Variants in SEMA3C observed in about 807,000 individuals in gnomAD.
The protein encoded by SEMA3C is semaphorin 3C, also known as semaphorin-3C.
SEMA3C carries 47 observed loss-of-function variants against 89.4 expected under a neutral mutation model. The ratio of observed to expected loss-of-function variants is 0.53; its 90% CI spans 0.42 to 0.67. SEMA3C has a LOEUF of 0.67. SEMA3C is among the 30% of genes least tolerant of loss of function. SEMA3C has a pLI of 0.00. For synonymous variants in SEMA3C, 310 were observed against 320.2 expected (o/e 0.97, Z 0.34); for missense variants, 839 against 929.1 (o/e 0.90, Z 1.26).
chr7:80,818,390 A>G lies in SEMA3C; in HGVS notation c.356T>C (p.Ile119Thr). 6.2e-7 allele frequency: 1 copy of G among 1,613,420 alleles called. No individual in the cohort carries two copies. The highest frequency in any genetic ancestry group is 2.2e-5 in the East Asian group (1 of 44,850). Residue 119 changes from isoleucine to threonine, a missense_variant, in exon 5 of 18, where the codon ATT (isoleucine) becomes ACT (threonine). Physicochemically the swap from Ile to Thr is moderately conservative, Grantham distance 89 (BLOSUM62 -1). Coordinates refer to ENST00000265361, the MANE Select transcript of SEMA3C (RefSeq NM_006379.5). ...THGCGNFVRV[I>T]QTFNRTHLYV... ...CAAATGTGTGCGATTGAAAGTCTGA[A>G]TTACACGGACAAAGTTCCCACAGCC...
intron 5 of SEMA3C, among the ~76,000 whole-genome samples, chr7:80,811,430 T>C (rs72612623): frequency 0.044 from 6,676 of 152,178 alleles, 371 homozygotes; most frequent in East Asian, 0.26. Context: ...GAGAGAAGAC[T>C]ATAGATTGGG....
chr7:80,846,640 T>C (rs1790397754), intron 2 of SEMA3C, among the ~76,000 whole-genome samples: 1 of 152,148 alleles, frequency 6.6e-6, no homozygotes, highest in Non-Finnish European at 1.5e-5. Flanking sequence ...CCCTTTTCCA[T>C]GTTTTTAAGG....
At chr7:80,885,125 G>T (rs1791442757) in intron 2 of SEMA3C, among the ~76,000 whole-genome samples, 1 of 152,114 alleles carries the variant, frequency 6.6e-6, no homozygotes, top group African/African-American at 2.4e-5. Context: ...AATTAAACGT[G>T]TTAACTGGTT....
chr7:80,838,777 C>A (rs1249988916), intron 2 of SEMA3C, among the ~76,000 whole-genome samples: 2 of 152,104 alleles, frequency 1.3e-5, no homozygotes, highest in African/African-American at 2.4e-5. Context: ...ACACTTAAAA[C>A]CATCAGCTTT....
intron 2 of SEMA3C, among the ~76,000 whole-genome samples, chr7:80,902,427 A>T (rs1791903901): frequency 6.6e-6 from 1 of 152,186 alleles, no homozygotes. Context: ...AAATTTTTTC[A>T]ATTGTAAATA....
chr7:80,791,264 C>T (rs1489986000), intron 11 of SEMA3C, among the ~76,000 whole-genome samples: 3 of 152,098 alleles, frequency 2.0e-5, no homozygotes, highest in African/African-American at 4.8e-5. Context: ...AACTCAAACT[C>T]ACTCACTAAT....
At position 80,789,495 on chromosome 7, in the gene SEMA3C, T is replaced by A. The variant is rs1788885285; in HGVS notation, c.1165A>T (p.Thr389Ser). 2 of 1,613,320 alleles carry A rather than the reference T, an allele frequency of 1.2e-6. No individual in the cohort carries two copies. Among genetic ancestry groups the A allele is most frequent in the African/African-American group, 2.7e-5 (2 of 74,856 alleles). The change falls in exon 12 of 18, where the codon ACC (threonine) becomes TCC (serine). Residue 389 changes from threonine to serine, a missense_variant. By Grantham distance (58) the Thr-to-Ser change is moderately conservative. Transcript: ENST00000265361. Reference protein sequence around the residue: ...PGGAFTPNMRTTKEFPDDVVT... With the variant: ...PGGAFTPNMRSTKEFPDDVVT... ...ACATCATCTGGGAACTCCTTGGTGG[T>A]TCGCATATTGGGTGTAAATGCTCCT...
intron 5 of SEMA3C, among the ~76,000 whole-genome samples, chr7:80,814,234 A>C (rs1295167176): frequency 1.3e-5 from 2 of 151,788 alleles, no homozygotes; most frequent in African/African-American, 4.8e-5. Context: ...GACTACAGGT[A>C]CCTGCCACCA....
chr7:80,812,719 C>T (rs1789497388), intron 5 of SEMA3C, among the ~76,000 whole-genome samples: 1 of 152,070 alleles, frequency 6.6e-6, no homozygotes, highest in Non-Finnish European at 1.5e-5. Context: ...GAGAAATCTT[C>T]TCTGTTTCTC....
At chr7:80,782,186 G>A (rs1788706067) in intron 12 of SEMA3C, among the ~76,000 whole-genome samples, 4 of 152,068 alleles carry the variant, frequency 2.6e-5, no homozygotes, top group African/African-American at 9.7e-5. Flanking sequence ...TTTCTTCCTA[G>A]GCATAATGTA....
At chr7:80,847,250 T>C (rs1790411082) in intron 2 of SEMA3C, 1 of 152,178 alleles carries the variant, frequency 6.6e-6, no homozygotes, top group African/African-American at 2.4e-5. Context: ...TTTGGGTATT[T>C]GTCACTCACC....
chr7:80,780,591 CA>C (rs1314198366), intron 12 of SEMA3C, among the ~76,000 whole-genome samples: 2 of 152,138 alleles, frequency 1.3e-5, no homozygotes, highest in Non-Finnish European at 2.9e-5. Flanking sequence ...GTCTTAAAAA[CA>C]CACATTAAAG....
chr7:80,761,531 A>T, intron 14 of SEMA3C, 85 bp downstream of exon 14: 2 of 729,164 alleles, frequency 2.7e-6, no homozygotes, highest in Non-Finnish European at 4.4e-6. Flanking sequence ...TACGATAACT[A>T]ATTATTCAGA....
chr7:80,746,486 G>T (rs1269852332), intron 17 of SEMA3C, among the ~76,000 whole-genome samples: 2 of 152,072 alleles, frequency 1.3e-5, no homozygotes, highest in African/African-American at 4.8e-5. Context: ...AATATTTTGA[G>T]TCCAATATGG....
At chr7:80,842,853 T>C (rs2115888100) in intron 2 of SEMA3C, among the ~76,000 whole-genome samples, 1 of 152,310 alleles carries the variant, frequency 6.6e-6, no homozygotes, top group South Asian at 2.1e-4. Flanking sequence ...TCTGTCTTTC[T>C]GTTTCTTTTC....
intron 2 of SEMA3C, among the ~76,000 whole-genome samples, chr7:80,846,062 T>C (rs192623604): frequency 9.8e-4 from 150 of 152,304 alleles, no homozygotes; most frequent in African/African-American, 3.5e-3. Flanking sequence ...ATTCAGGGTG[T>C]CACTGATATT....
chr7:80,799,933 C>T (rs1045789466), intron 10 of SEMA3C, among the ~76,000 whole-genome samples: 6 of 151,054 alleles, frequency 4.0e-5, no homozygotes, highest in African/African-American at 1.5e-4. Context: ...TGGCGGATCA[C>T]GAGGTCAGGA....
intron 12 of SEMA3C, among the ~76,000 whole-genome samples, chr7:80,771,603 G>A (rs1020023176): frequency 6.6e-6 from 1 of 152,084 alleles, no homozygotes; most frequent in African/African-American, 2.4e-5. Context: ...TGCCTCATGC[G>A]AGTGATCAAA....
intron 10 of SEMA3C, 140 bp from the exon 11 acceptor site, chr7:80,798,376 G>A (rs1456074895): frequency 2.8e-6 from 2 of 716,684 alleles, no homozygotes; most frequent in African/African-American, 1.9e-5. Flanking sequence ...CATGTGAAAA[G>A]CTGAAAAACT....
Sources: allele counts gnomAD v4.1 joint callset (sites outside exome capture counted in the v4.1 genomes callset), GRCh38; gene constraint gnomAD v4.1.1; transcripts MANE v1.5; gene names NCBI Gene and HGNC (gene_info 2026-07-23, HGNC 2026-07-21).